The following ZNF33A variants were observed in gnomAD, a reference collection of about 807,000 sequenced individuals.
ZNF33A encodes the protein zinc finger protein 33A.
Under a neutral mutation model 15.9 loss-of-function variants are expected in ZNF33A, and 9 were observed. The ratio of observed to expected loss-of-function variants is 0.57; its 90% CI spans 0.34 to 0.99. The LOEUF is 0.99. Ranked by LOEUF, ZNF33A falls within the 50% of genes least tolerant of loss-of-function variation. The pLI, the probability that ZNF33A is intolerant of heterozygous loss-of-function variation, is 0.02. For missense variants in ZNF33A, 843 were observed against 941.6 expected, an observed-to-expected ratio of 0.90 and a Z score of 1.37; for synonymous variants, 294 against 324.2, an observed-to-expected ratio of 0.91 and a Z score of 1.00.
At chr10:38,050,662 G>A (rs534957763) in intron 4 of ZNF33A, among the ~76,000 whole-genome samples, 1 of 152,310 alleles carries the variant, frequency 6.6e-6, no homozygotes, top group African/African-American at 2.4e-5. Context: ...TGTCTGCATT[G>A]GTTGCAGCAG....
intron 4 of ZNF33A, among the ~76,000 whole-genome samples, chr10:38,038,508 C>CT: frequency 6.6e-6 from 1 of 152,312 alleles, no homozygotes; most frequent in Middle Eastern, 3.4e-3. Flanking sequence ...TCAGCAGATT[C>CT]TTTAAGATTT....
intron 4 of ZNF33A, among the ~76,000 whole-genome samples, chr10:38,049,489 T>TG (rs1213301269): frequency 6.6e-6 from 1 of 152,280 alleles, no homozygotes; most frequent in East Asian, 1.9e-4. Flanking sequence ...ATCTACCATA[T>TG]GTAAATGCAT....
downstream of ZNF33A, among the ~76,000 whole-genome samples, chr10:38,065,747 T>C (rs537674901): frequency 3.5e-4 from 53 of 151,342 alleles, 1 homozygote; most frequent in South Asian, 0.011. Context: ...TTTTTGCTCT[T>C]ATGCCCAGGC....
At chr10:38,047,315 A>G (rs1236492489) in intron 4 of ZNF33A, among the ~76,000 whole-genome samples, 1 of 151,782 alleles carries the variant, frequency 6.6e-6, no homozygotes, top group Non-Finnish European at 1.5e-5. Flanking sequence ...TGAAACAGAG[A>G]AAAAACATAT....
downstream of ZNF33A, among the ~76,000 whole-genome samples, chr10:38,065,930 C>T (rs1353494330): frequency 3.9e-5 from 6 of 152,018 alleles, no homozygotes; most frequent in Non-Finnish European, 7.4e-5. Context: ...AGGCTGTTCT[C>T]GAACTCCTGC....
intron 4 of ZNF33A, among the ~76,000 whole-genome samples, chr10:38,035,838 GAAGA>G (rs886101434): frequency 1.6e-4 from 24 of 152,010 alleles, no homozygotes; most frequent in African/African-American, 2.9e-4. Context: ...GAAAAGAAAA[GAAGA>G]AAGAAAGAAA....
At chr10:38,061,784 A>C (rs1018676425), downstream of ZNF33A, among the ~76,000 whole-genome samples, 10 of 152,042 alleles carry the variant, frequency 6.6e-5, no homozygotes, top group African/African-American at 2.4e-4. Flanking sequence ...AACATGGTGA[A>C]ACCCCGTCTC....
In ZNF33A at chr10:38,057,184, CCAT is replaced by C. The variant is rs2066521614; in HGVS notation, c.*627_*629del. 1 of 979,372 alleles carries C rather than the reference CCAT, an allele frequency of 1.0e-6. No individual in the cohort carries two copies. The highest frequency in any genetic ancestry group is 1.2e-6 in the Non-Finnish European group (1 of 824,486). The allele number at this position is 979,372 out of a possible 1,614,324, so 60.7% of individuals were successfully genotyped here. A position where few individuals can be genotyped will look rare whatever the true frequency, so the allele number is the denominator to read the frequency against. On this transcript the variant is annotated 3_prime_UTR_variant, in exon 5 of 5. Coordinates refer to ENST00000432900, the MANE Select transcript of ZNF33A (RefSeq NM_006954.2). ...TTTTACGACTTTTACATTTGAGTAACCATCAACACGATTAGTTTACAGAACTGA... is the reference window on the plus strand; with the variant it reads ...TTTTACGACTTTTACATTTGAGTAACCAACACGATTAGTTTACAGAACTGA...
rs138712903 is a variant in ZNF33A at position 38,044,929 on chromosome 10, A to G, written c.251-9446A>G. On this transcript the variant is annotated intron_variant, in intron 4 of 4. Coordinates refer to ENST00000432900, the MANE Select transcript of ZNF33A (RefSeq NM_006954.2). ...GTGACCCACCTGCCTCGACCTCCCA[A>G]AGTACTGGGATTACAGGCGTGAGCC... Among the ~76,000 whole-genome samples the G allele has an allele frequency of 4.1e-3, 621 of 152,190 alleles. 3 individuals are homozygous for G. Among genetic ancestry groups the G allele is most frequent in the African/African-American group, 0.014 (589 of 41,532 alleles).
intron 1 of ZNF33A, among the ~76,000 whole-genome samples, chr10:38,011,529 C>A (rs547696308): frequency 6.6e-6 from 1 of 152,206 alleles, no homozygotes; most frequent in South Asian, 2.1e-4. Context: ...TAGCCAAGAT[C>A]GCACTATTGC....
chr10:38,065,200 A>T (rs1266923371), downstream of ZNF33A: 3 of 152,274 alleles, frequency 2.0e-5, no homozygotes, highest in African/African-American at 7.2e-5. Context: ...CCTCCCGAGT[A>T]GCTGGGATTA....
In ZNF33A at chr10:38,056,425, T is replaced by C. The variant is rs775572006; in HGVS notation, c.2301T>C (p.His767=). 7 of 1,613,988 alleles carry C rather than the reference T, an allele frequency of 4.3e-6. No individual in the cohort carries two copies. The highest frequency in any genetic ancestry group is 5.9e-6 in the Non-Finnish European group (7 of 1,179,978). ...TFSQKSNLIV[H]QRRHIGENLM... ...CTCAAAAGTCAAATCTCATTGTACA[T>C]CAGAGAAGACATATAGGAGAAAACC... Residue 767 remains histidine (H), a synonymous_variant, in exon 5 of 5, where the codon CAT becomes CAC. Coordinates refer to ENST00000432900, the MANE Select transcript of ZNF33A (RefSeq NM_006954.2).
At chr10:38,034,810 T>G (rs1362084958) in intron 4 of ZNF33A, among the ~76,000 whole-genome samples, 4 of 152,162 alleles carry the variant, frequency 2.6e-5, no homozygotes, top group Non-Finnish European at 5.9e-5. Flanking sequence ...CTGGTTCCTT[T>G]TATTTGAAAA....
chr10:38,018,795 A>G (rs594594), intron 4 of ZNF33A, among the ~76,000 whole-genome samples: 116,917 of 151,968 alleles, frequency 0.77, 45,177 homozygotes, highest in South Asian at 0.93. Flanking sequence ...AGAGGTGTTT[A>G]AAGTATTTGA....
At chr10:38,033,568 G>T (rs1181630245) in intron 4 of ZNF33A, among the ~76,000 whole-genome samples, 1 of 152,004 alleles carries the variant, frequency 6.6e-6, no homozygotes, top group Non-Finnish European at 1.5e-5. Context: ...TTACAATCCT[G>T]CCAGCAATGC....
At chr10:38,019,222 G>T (rs2064618145) in intron 4 of ZNF33A, among the ~76,000 whole-genome samples, 1 of 151,584 alleles carries the variant, frequency 6.6e-6, no homozygotes, top group Non-Finnish European at 1.5e-5. Flanking sequence ...ACCTGTGAGT[G>T]AGAACATGCA....
At chr10:38,015,148 T>C (rs1223297031) in intron 2 of ZNF33A, among the ~76,000 whole-genome samples, 1 of 152,158 alleles carries the variant, frequency 6.6e-6, no homozygotes, top group Non-Finnish European at 1.5e-5. Flanking sequence ...GTACTAGGAT[T>C]ATAGATGTGA....
chr10:38,021,829 T>C (rs761925882), intron 4 of ZNF33A, among the ~76,000 whole-genome samples: 1 of 152,116 alleles, frequency 6.6e-6, no homozygotes, highest in Non-Finnish European at 1.5e-5. Flanking sequence ...AAATCAGTAA[T>C]AGAGTGACAA....
chr10:38,060,370 A>G (rs542709496), downstream of ZNF33A, among the ~76,000 whole-genome samples: 1 of 152,166 alleles, frequency 6.6e-6, no homozygotes, highest in East Asian at 1.9e-4. Flanking sequence ...AAGTAGTAAG[A>G]TTTGCTTCCC....
Sources: gnomAD v4.1 joint callset for allele counts (sites outside exome capture counted in the v4.1 genomes callset) on GRCh38, gnomAD v4.1.1 for gene constraint, MANE v1.5 for transcripts, NCBI Gene and HGNC (gene_info 2026-07-23, HGNC 2026-07-21) for gene names.